Variants in SPPL3 observed in about 807,000 individuals in gnomAD.
SPPL3 encodes the protein signal peptide peptidase like 3.
In SPPL3, 5 loss-of-function variants were observed where a neutral mutation model predicts 42.4. The observed-to-expected ratio is 0.12, with a 90% CI of 0.06 to 0.25. SPPL3 has a LOEUF of 0.25. Among genes scored for constraint, SPPL3 ranks in the 10% least tolerant of loss-of-function variants. The probability of loss-of-function intolerance (pLI) is 1.00; values close to 1 mark genes in which losing one functional copy is unlikely to be tolerated. For synonymous variants in SPPL3, 195 were observed against 181.8 expected, an observed-to-expected ratio of 1.07 and a Z score of -0.58; for missense variants, 235 against 489.0, an observed-to-expected ratio of 0.48 and a Z score of 4.90.
At chr12:120,766,418 G>A in intron 9 of SPPL3, 46 bp from the exon 10 acceptor site, 1 of 1,485,488 alleles carries the variant, frequency 6.7e-7, no homozygotes, top group East Asian at 2.4e-5. Flanking sequence ...GGGAACCCGT[G>A]TCACCTGGCT....
At chr12:120,840,828 G>A (rs964384516) in intron 1 of SPPL3, among the ~76,000 whole-genome samples, 6 of 151,346 alleles carry the variant, frequency 4.0e-5, no homozygotes, top group African/African-American at 1.5e-4. Flanking sequence ...AGTGAGACCC[G>A]GTCTGAAAAA....
At chr12:120,766,572 T>A (rs1050386338) in intron 9 of SPPL3, among the ~76,000 whole-genome samples, 200 bp from the exon 10 acceptor site, 2 of 152,214 alleles carry the variant, frequency 1.3e-5, no homozygotes, top group African/African-American at 4.8e-5. Flanking sequence ...CAAGGACACA[T>A]GACTGACCCA....
At position 120,871,144 on chromosome 12, in the gene SPPL3, A is replaced by AAAAAAAAAAAAAAAAAAG. The variant is rs61249398; in HGVS notation, c.23+32700_23+32701insCTTTTTTTTTTTTTTTTT. Among the ~76,000 whole-genome samples, 13 of 142,120 alleles carry AAAAAAAAAAAAAAAAAAG rather than the reference A, an allele frequency of 9.1e-5. No individual in the cohort carries two copies. The East Asian group carries it at 1.7e-3, about 19-fold the overall frequency. 93.2% of individuals were successfully genotyped at this position (142,120 alleles called of 152,430 possible). On this transcript the variant is annotated intron_variant, in intron 1 of 10. Transcript: ENST00000353487. ...GACTCCGTCTCCAAAAAAAAAAAAAAAAAAAGAAAAAGTTCTGGAGGTAAA... is the reference window on the plus strand; with the variant it reads ...GACTCCGTCTCCAAAAAAAAAAAAAAAAAAAAAAAAAAAAAAAGAAAAAGAAAAAGTTCTGGAGGTAAA...
intron 1 of SPPL3, among the ~76,000 whole-genome samples, chr12:120,884,076 G>A (rs890438673): frequency 6.7e-6 from 1 of 148,744 alleles, no homozygotes; most frequent in African/African-American, 2.5e-5. Context: ...ACTCCAGCGT[G>A]GGCAACAACA....
chr12:120,841,826 G>A (rs1343563022), intron 1 of SPPL3, among the ~76,000 whole-genome samples: 1 of 152,158 alleles, frequency 6.6e-6, no homozygotes, highest in Non-Finnish European at 1.5e-5. Flanking sequence ...CTCAATATCT[G>A]ACAAGCTAGC....
chr12:120,767,638 C>A, intron 8 of SPPL3, 45 bp from the exon 9 acceptor site: 1 of 1,594,902 alleles, frequency 6.3e-7, no homozygotes, highest in South Asian at 1.1e-5. Context: ...CTCTACAATC[C>A]AGTTTCTATT....
chr12:120,810,992 T>C, intron 1 of SPPL3, 106 bp from the exon 2 acceptor site: 1 of 645,238 alleles, frequency 1.5e-6, no homozygotes. Context: ...TTTTTATCTT[T>C]AAGAAGGAAA....
chr12:120,903,387 T>C, intron 1 of SPPL3: 1 of 161,076 alleles, frequency 6.2e-6, no homozygotes, highest in Non-Finnish European at 1.4e-5. Context: ...ACTTAGAAGT[T>C]CTGCCTCTAT....
intron 1 of SPPL3, among the ~76,000 whole-genome samples, chr12:120,891,657 T>G (rs1390921857): frequency 6.6e-6 from 1 of 151,328 alleles, no homozygotes; most frequent in South Asian, 2.1e-4. Flanking sequence ...TATACTCATA[T>G]CTCGAGATGT....
At chr12:120,794,240 G>A (rs1870022457) in intron 2 of SPPL3, among the ~76,000 whole-genome samples, 3 of 151,548 alleles carry the variant, frequency 2.0e-5, no homozygotes. Context: ...AGTATAAGCA[G>A]CATATCTTTT....
In SPPL3 at chr12:120,767,458, G is replaced by A. The variant is rs141499816; in HGVS notation, c.909C>T (p.Ala303=). ...SGDSCGAPGP[A]NISGRMQKVS... ...CCTTCTGCATGCGCCCGGAGATGTTGGCAGGTCCAGGGGCCCCACAGGAGT... is the reference window on the plus strand; with the variant it reads ...CCTTCTGCATGCGCCCGGAGATGTTAGCAGGTCCAGGGGCCCCACAGGAGT... Residue 303 remains alanine (A), a synonymous_variant, in exon 9 of 11, where the codon GCC becomes GCT. Transcript: ENST00000353487. 298 of 1,614,020 alleles carry A rather than the reference G, an allele frequency of 1.8e-4. No individual in the cohort carries two copies. The highest frequency in any genetic ancestry group is 2.4e-4 in the Non-Finnish European group (285 of 1,180,042).
chr12:120,812,320 T>TG (rs1283740823), intron 1 of SPPL3, among the ~76,000 whole-genome samples: 6 of 151,954 alleles, frequency 3.9e-5, no homozygotes, highest in Admixed American at 3.9e-4. Flanking sequence ...TTAGTAGAGA[T>TG]GGGGTTTTAC....
chr12:120,862,042 C>G (rs1872630463), intron 1 of SPPL3, among the ~76,000 whole-genome samples: 1 of 152,034 alleles, frequency 6.6e-6, no homozygotes, highest in African/African-American at 2.4e-5. Flanking sequence ...AAATAATGTC[C>G]ACAGTGTCCA....
At chr12:120,809,272 G>A (rs1419055381) in intron 2 of SPPL3, among the ~76,000 whole-genome samples, 2 of 152,072 alleles carry the variant, frequency 1.3e-5, no homozygotes, top group African/African-American at 4.8e-5. Context: ...GTGGACCCAG[G>A]AGGTGGAGCT....
chr12:120,892,515 G>A (rs373865699), intron 1 of SPPL3, among the ~76,000 whole-genome samples: 28 of 152,210 alleles, frequency 1.8e-4, no homozygotes, highest in African/African-American at 6.3e-4. Context: ...AAGAGTCACC[G>A]TACATAAAAG....
At chr12:120,797,649 T>C (rs1040886451) in intron 2 of SPPL3, among the ~76,000 whole-genome samples, 53 of 152,290 alleles carry the variant, frequency 3.5e-4, no homozygotes, top group Non-Finnish European at 1.3e-4. Context: ...AAAGGCCTTT[T>C]AAAATTTCTT....
intron 1 of SPPL3, among the ~76,000 whole-genome samples, chr12:120,853,458 T>C (rs979271373): frequency 6.6e-6 from 1 of 152,190 alleles, no homozygotes; most frequent in Non-Finnish European, 1.5e-5. Context: ...CCTTAGTAAC[T>C]TCTAAAAATG....
At chr12:120,826,364 G>A (rs1180485727) in intron 1 of SPPL3, among the ~76,000 whole-genome samples, 1 of 150,732 alleles carries the variant, frequency 6.6e-6, no homozygotes. Context: ...CTCAAACCTA[G>A]ACCTACCTGC....
intron 1 of SPPL3, among the ~76,000 whole-genome samples, chr12:120,872,134 T>C (rs1443569058): frequency 1.3e-5 from 2 of 152,244 alleles, no homozygotes. Context: ...TGTTTTATCA[T>C]TGTATTGTTA....
Sources: gnomAD v4.1 joint callset for allele counts (sites outside exome capture counted in the v4.1 genomes callset) on GRCh38, gnomAD v4.1.1 for gene constraint, MANE v1.5 for transcripts, NCBI Gene and HGNC (gene_info 2026-07-23, HGNC 2026-07-21) for gene names.